The following IYD variants were observed in gnomAD, a reference collection of about 807,000 sequenced individuals.
IYD encodes iodotyrosine deiodinase.
Under a neutral mutation model 28.4 loss-of-function variants are expected in IYD, and 25 were observed. The ratio of observed to expected loss-of-function variants is 0.88; its 90% CI spans 0.64 to 1.23. The LOEUF is 1.23. IYD is among the 50% of genes most tolerant of loss of function. The pLI, the probability that IYD is intolerant of heterozygous loss-of-function variation, is 0.00. For synonymous variants in IYD, 140 were observed against 130.8 expected (o/e 1.07, Z -0.48); for missense variants, 352 against 357.9 (o/e 0.98, Z 0.13).
chr6:150,380,922 C>G (rs79641108), intron 1 of IYD, among the ~76,000 whole-genome samples: 243 of 152,252 alleles, frequency 1.6e-3, no homozygotes, highest in Non-Finnish European at 2.9e-3. Flanking sequence ...CTCCTCTCCC[C>G]CAAAGACTCA....
chr6:150,396,539 A>G (rs1778318962), intron 4 of IYD: 2 of 674,902 alleles, frequency 3.0e-6, no homozygotes, highest in South Asian at 1.6e-5. Context: ...GGACCAAGAT[A>G]TAAAATGACA....
chr6:150,384,256 T>G (rs1777777675), intron 1 of IYD: 1 of 152,188 alleles, frequency 6.6e-6, no homozygotes, highest in South Asian at 2.1e-4. Context: ...TGCAAAATAT[T>G]AGGGCAGGTT....
chr6:150,389,530 C>A lies in IYD; in HGVS notation c.357C>A (p.Val119=). ...TCCCAATGGAAGTCATTGATAATGTCATCAGAACGGCAGGTTTGTAATTGC... is the reference window on the plus strand; with the variant it reads ...TCCCAATGGAAGTCATTGATAATGTAATCAGAACGGCAGGTTTGTAATTGC... ...EQVPMEVIDN[V]IRTAGTAPSG... The change falls in exon 2 of 5, where the codon GTC becomes GTA. Residue 119 remains valine (V), a synonymous_variant. Transcript: ENST00000344419. The A allele has an allele frequency of 6.2e-7, 1 of 1,613,900 alleles. No individual in the cohort carries two copies. Among genetic ancestry groups the A allele is most frequent in the South Asian group, 1.1e-5 (1 of 91,010 alleles).
Position 150,389,563 on chromosome 6 carries a change from G to A in IYD, c.370+20G>A. The A allele has an allele frequency of 6.2e-7, 1 of 1,606,592 alleles. No individual in the cohort carries two copies. The highest frequency in any genetic ancestry group is 8.5e-7 in the Non-Finnish European group (1 of 1,173,306). On this transcript the variant is annotated intron_variant, in intron 2 of 4. Transcript: ENST00000344419. ...CGGCAGGTTTGTAATTGCAGATGGG[G>A]TCTTTGGAAATGTTAGTCACCTTAC... is the stretch of plus-strand genomic sequence containing the variant.
chr6:150,386,553 C>T (rs75382069), intron 1 of IYD, among the ~76,000 whole-genome samples: 3,993 of 151,958 alleles, frequency 0.026, 152 homozygotes, highest in African/African-American at 0.086. Flanking sequence ...TGTCAATTAC[C>T]TTGTTAAAAT....
At chr6:150,388,630 G>GCTTGCTTGCTTTCTTTCTTTCTTT (rs1490791585) in intron 1 of IYD, among the ~76,000 whole-genome samples, 1 of 129,408 alleles carries the variant, frequency 7.7e-6, no homozygotes, top group African/African-American at 3.1e-5. Context: ...TGGAGTTTTT[G>GCTTGCTTGCTTTCTTTCTTTCTTT]CTTTCTTTCT....
intron 1 of IYD, among the ~76,000 whole-genome samples, chr6:150,383,252 A>T (rs944934904): frequency 2.0e-5 from 3 of 152,186 alleles, no homozygotes; most frequent in Admixed American, 6.5e-5. Context: ...ATGAGACTGT[A>T]GACCTTCAGG....
At chr6:150,377,197 G>T (rs1221742707) in intron 1 of IYD, among the ~76,000 whole-genome samples, 1 of 152,188 alleles carries the variant, frequency 6.6e-6, no homozygotes, top group East Asian at 1.9e-4. Context: ...CATTCAAAAA[G>T]CAGACCATAA....
At chr6:150,374,629 TG>T (rs1336688334) in intron 1 of IYD, among the ~76,000 whole-genome samples, 2 of 152,182 alleles carry the variant, frequency 1.3e-5, no homozygotes, top group African/African-American at 4.8e-5. Flanking sequence ...AAGAACAGTA[TG>T]GGGGAAACTG....
Position 150,399,679 on chromosome 6 carries a change from C to T in IYD, c.*1442C>T, listed in dbSNP as rs1373936738. ...TGATAAACAACAGAAATTTGTTTCT[C>T]ACAGTTCTGGAGGCTGGAAGTCCAA... is the stretch of plus-strand genomic sequence containing the variant. On this transcript the variant is annotated 3_prime_UTR_variant, in exon 5 of 5. Coordinates refer to ENST00000344419, the MANE Select transcript of IYD (RefSeq NM_203395.3). 1.3e-5 allele frequency: 2 copies of T among 152,184 alleles called. No individual in the cohort carries two copies. Among genetic ancestry groups the T allele is most frequent in the East Asian group, 3.8e-4 (2 of 5,196 alleles). 9.4% of individuals were successfully genotyped at this position (152,184 alleles called of 1,614,324 possible). A position where few individuals can be genotyped will look rare whatever the true frequency, so the allele number is the denominator to read the frequency against.
chr6:150,394,323 G>C, intron 4 of IYD, 68 bp downstream of exon 4: 1 of 1,565,926 alleles, frequency 6.4e-7, no homozygotes, highest in Non-Finnish European at 8.8e-7. Context: ...TTCAATTCAG[G>C]GACATTTGGA....
At chr6:150,397,627 A>G (rs1778373853) in intron 4 of IYD, among the ~76,000 whole-genome samples, 1 of 150,968 alleles carries the variant, frequency 6.6e-6, no homozygotes, top group South Asian at 2.1e-4. Context: ...ATTATGTCGC[A>G]TTTGGGCTAG....
intron 1 of IYD, among the ~76,000 whole-genome samples, chr6:150,380,686 C>G (rs73013204): frequency 1.3e-5 from 2 of 152,140 alleles, no homozygotes; most frequent in African/African-American, 4.8e-5. Context: ...AAGGGACCCC[C>G]GATTTCCTCT....
In IYD at chr6:150,389,539, G is replaced by C. The variant is rs774946469; in HGVS notation, c.366G>C (p.Thr122=). The change falls in exon 2 of 5, where the codon ACG becomes ACC. Residue 122 remains threonine (T), a synonymous_variant. Transcript: ENST00000344419. The stretch of plus-strand genomic sequence containing the variant: ...AAGTCATTGATAATGTCATCAGAAC[G>C]GCAGGTTTGTAATTGCAGATGGGGT... ...PMEVIDNVIR[T]AGTAPSGAHT... The C allele has an allele frequency of 1.2e-6, 2 of 1,613,650 alleles. No individual in the cohort carries two copies. The highest frequency in any genetic ancestry group is 1.7e-5 in the Admixed American group (1 of 60,024).
chr6:150,382,685 A>C (rs972258834), intron 1 of IYD, among the ~76,000 whole-genome samples: 1 of 152,234 alleles, frequency 6.6e-6, no homozygotes, highest in African/African-American at 2.4e-5. Context: ...ATAGGTTAGA[A>C]GAAACTATCT....
At chr6:150,376,728 C>G (rs957290829) in intron 1 of IYD, among the ~76,000 whole-genome samples, 2 of 152,112 alleles carry the variant, frequency 1.3e-5, no homozygotes, top group African/African-American at 4.8e-5. Flanking sequence ...TGGACTCAAG[C>G]TATCCTCCCA....
At chr6:150,396,557 A>G in intron 4 of IYD, 1 of 670,850 alleles carries the variant, frequency 1.5e-6, no homozygotes, top group South Asian at 1.6e-5. Context: ...ACACTAAATT[A>G]AGGTGTAAAT....
chr6:150,391,499 T>C (rs1778115860), intron 2 of IYD, among the ~76,000 whole-genome samples: 2 of 152,198 alleles, frequency 1.3e-5, no homozygotes, highest in South Asian at 4.1e-4. Flanking sequence ...CTTTCCTTAG[T>C]AGGCATGGTG....
In IYD at chr6:150,396,701, G is replaced by T. The variant is rs373324134; in HGVS notation, c.688-1354G>T. Reference sequence around the variant, plus strand: ...CATCCTGGCTAACATGGTGAAACCCGGCCTTTACTAAAAATACAAAAAATG... The same window carrying T: ...CATCCTGGCTAACATGGTGAAACCCTGCCTTTACTAAAAATACAAAAAATG... On this transcript the variant is annotated intron_variant, in intron 4 of 4. Transcript: ENST00000344419. 1.8e-3 allele frequency: 537 copies of T among 295,746 alleles called. 3 individuals carry two copies. The highest frequency in any genetic ancestry group is 0.011 in the African/African-American group (495 of 45,074). The allele number at this position is 295,746 out of a possible 1,614,324, so 18.3% of individuals were successfully genotyped here.
Sources: allele counts gnomAD v4.1 joint callset (sites outside exome capture counted in the v4.1 genomes callset), GRCh38; gene constraint gnomAD v4.1.1; transcripts MANE v1.5; gene names NCBI Gene and HGNC (gene_info 2026-07-23, HGNC 2026-07-21).